Variants in IQCH observed in about 807,000 individuals in gnomAD.
IQCH encodes the protein IQ domain-containing protein H.
Under a neutral mutation model 117.0 loss-of-function variants are expected in IQCH, and 98 were observed. The ratio of observed to expected loss-of-function variants is 0.84; its 90% CI spans 0.71 to 0.99. IQCH has a LOEUF of 0.99. Among genes scored for constraint, IQCH ranks in the 50% least tolerant of loss-of-function variants. The pLI is 0.00. For synonymous variants in IQCH, 412 were observed against 448.2 expected (o/e 0.92, Z 1.02); for missense variants, 1,102 against 1,243.8 (o/e 0.89, Z 1.72).
intron 6 of IQCH, among the ~76,000 whole-genome samples, chr15:67,355,566 G>C (rs954480795): frequency 1.3e-5 from 2 of 151,744 alleles, no homozygotes; most frequent in Non-Finnish European, 2.9e-5. Context: ...CTCCAGCCCG[G>C]GCGACAGAGC....
intron 1 of IQCH, 200 bp downstream of exon 1, chr15:67,255,147 AC>A: frequency 3.3e-6 from 2 of 612,440 alleles, no homozygotes; most frequent in South Asian, 3.9e-5. Context: ...CCTGTAGGTT[AC>A]GCCCCAGAAG....
intron 4 of IQCH, among the ~76,000 whole-genome samples, chr15:67,298,923 C>G (rs961523387): frequency 6.6e-6 from 1 of 151,980 alleles, no homozygotes; most frequent in Non-Finnish European, 1.5e-5. Flanking sequence ...ATCCCATTTC[C>G]GAAAGAAAGG....
intron 1 of IQCH, among the ~76,000 whole-genome samples, chr15:67,258,788 TTGA>T (rs571455568): frequency 1.2e-3 from 177 of 152,212 alleles, no homozygotes; most frequent in African/African-American, 3.9e-3. Context: ...AACAAGGTGT[TTGA>T]TGATCACAGA....
At position 67,494,283 on chromosome 15, in the gene IQCH, G is replaced by A; in HGVS notation, c.2887G>A (p.Val963Ile). 1 of 1,611,476 alleles carries A rather than the reference G, an allele frequency of 6.2e-7. No homozygotes were observed. The highest frequency in any genetic ancestry group is 8.5e-7 in the Non-Finnish European group (1 of 1,179,312). ...MLTIGEDLQG[V>I]LMTFARHLFI... The stretch of plus-strand genomic sequence containing the variant: ...AACAATCGGCGAGGATCTCCAGGGG[G>A]TCCTCATGACCTTTGCTCGCCATCT... Residue 963 changes from valine to isoleucine, a missense_variant, in exon 20 of 21, where the codon GTC becomes ATC. Physicochemically the swap from Val to Ile is conservative, Grantham distance 29 (BLOSUM62 3). Coordinates refer to ENST00000335894, the MANE Select transcript of IQCH (RefSeq NM_001031715.3). The surrounding 1 kb of genome is among the most constrained non-coding windows in gnomAD (Gnocchi z 5.5).
In IQCH at chr15:67,421,425, T is replaced by A. The variant is rs1427546634; in HGVS notation, c.2353T>A (p.Ser785Thr). The change falls in exon 16 of 21, where the codon TCT (serine) becomes ACT (threonine). Residue 785 changes from serine (S) to threonine (T), a missense_variant. Transcript: ENST00000335894. Reference protein sequence around the residue: ...QLHAESPFISSGTTVPQTSVD... With the variant: ...QLHAESPFISTGTTVPQTSVD... ...TCATGCTGAAAGCCCCTTCATCTCC[T>A]CTGGTACCACCGTGCCTCAGACCTC... 1 of 1,614,180 alleles carries A rather than the reference T, an allele frequency of 6.2e-7. No individual in the cohort carries two copies. Among genetic ancestry groups the A allele is most frequent in the East Asian group, 2.2e-5 (1 of 44,876 alleles).
At chr15:67,333,160 T>C (rs973695657) in intron 4 of IQCH, among the ~76,000 whole-genome samples, 2 of 152,180 alleles carry the variant, frequency 1.3e-5, no homozygotes, top group African/African-American at 4.8e-5. Flanking sequence ...AAAGGCCCCA[T>C]CTCTTAAAAG....
chr15:67,445,730 C>T lies in IQCH; in HGVS notation c.2506-19397C>T, dbSNP rs990015395. ...GGGATAACAGGCGTGAGCCACCGCA[C>T]CTGGCCTGTTTTTTAATCTTTGTAG... On this transcript the variant is annotated intron_variant, in intron 16 of 20. Transcript: ENST00000335894. This position sits in a 1 kb window ranked among gnomAD's most constrained non-coding sequence, Gnocchi z 4.3. Among the ~76,000 whole-genome samples the T allele has an allele frequency of 6.6e-6, 1 of 152,212 alleles. No homozygotes were observed. Among genetic ancestry groups the T allele is most frequent in the Non-Finnish European group, 1.5e-5 (1 of 68,046 alleles).
In IQCH at chr15:67,443,239, G is replaced by A. The variant is rs952233444; in HGVS notation, c.2505+21662G>A. ...GATCTCCTGAACTCGTCATCCACCC[G>A]CCTCGGCCTCCCAAAGTGCTGGGAT... On this transcript the variant is annotated intron_variant, in intron 16 of 20. Transcript: ENST00000335894. The surrounding 1 kb of genome is among the most constrained non-coding windows in gnomAD (Gnocchi z 5.0). Among the ~76,000 whole-genome samples, 3 of 152,140 alleles carry A rather than the reference G, an allele frequency of 2.0e-5. No individual in the cohort carries two copies. The highest frequency in any genetic ancestry group is 6.5e-5 in the Admixed American group (1 of 15,274).
intron 3 of IQCH, among the ~76,000 whole-genome samples, chr15:67,271,629 A>G (rs552240963): frequency 2.0e-5 from 3 of 152,162 alleles, no homozygotes; most frequent in East Asian, 3.9e-4. Context: ...CTATTTCTTT[A>G]TGGTTCAATC....
Position 67,369,970 on chromosome 15 carries a change from AGGTCTTT to A in IQCH, c.754-2139_754-2133del, listed in dbSNP as rs1970468594. On this transcript the variant is annotated intron_variant, in intron 8 of 20. Coordinates refer to ENST00000335894, the MANE Select transcript of IQCH (RefSeq NM_001031715.3). The surrounding 1 kb of genome is among the most constrained non-coding windows in gnomAD (Gnocchi z 5.2). ...CCAGGAGTATGTTTCCTTTGAGAGC[AGGTCTTT>A]GCTGGAATATCATCCAAGAAGGTAG... is the stretch of plus-strand genomic sequence containing the variant. 6.6e-6 allele frequency among the ~76,000 whole-genome samples: 1 copy of A among 152,200 alleles called. No individual in the cohort carries two copies. Among genetic ancestry groups the A allele is most frequent in the South Asian group, 2.1e-4 (1 of 4,830 alleles).
chr15:67,455,554 C>G (rs925994906), intron 16 of IQCH, among the ~76,000 whole-genome samples: 9 of 152,180 alleles, frequency 5.9e-5, no homozygotes, highest in African/African-American at 2.2e-4. Context: ...ACTCTGCAGC[C>G]AACTCACTGC....
chr15:67,468,071 T>G (rs1326999562), intron 17 of IQCH, among the ~76,000 whole-genome samples: 1 of 152,268 alleles, frequency 6.6e-6, no homozygotes, highest in East Asian at 1.9e-4. Flanking sequence ...ATCCCAGACG[T>G]GCGTGTTTTA....
At chr15:67,260,863 C>T (rs1472556127) in intron 1 of IQCH, among the ~76,000 whole-genome samples, 1 of 151,844 alleles carries the variant, frequency 6.6e-6, no homozygotes, top group Admixed American at 6.6e-5. Flanking sequence ...TTTGGGAGGC[C>T]GAGGTGGGAA....
In IQCH at chr15:67,453,047, A is replaced by T. The variant is rs2082571392; in HGVS notation, c.2506-12080A>T. 6.6e-6 allele frequency among the ~76,000 whole-genome samples: 1 copy of T among 152,178 alleles called. No homozygotes were observed. Among genetic ancestry groups the T allele is most frequent in the African/African-American group, 2.4e-5 (1 of 41,424 alleles). ...AATAAGGCTTCTGCATTCGTCACGTAGCTCTCGTGCCTTGGTTTTCAGCTC... is the reference window on the plus strand; with the variant it reads ...AATAAGGCTTCTGCATTCGTCACGTTGCTCTCGTGCCTTGGTTTTCAGCTC... On this transcript the variant is annotated intron_variant, in intron 16 of 20. Coordinates refer to ENST00000335894, the MANE Select transcript of IQCH (RefSeq NM_001031715.3). This position sits in a 1 kb window ranked among gnomAD's most constrained non-coding sequence, Gnocchi z 5.8.
intron 13 of IQCH, among the ~76,000 whole-genome samples, chr15:67,399,905 G>A (rs1363665303): frequency 1.3e-5 from 2 of 152,190 alleles, no homozygotes; most frequent in Non-Finnish European, 2.9e-5. Context: ...TTTTAAACAT[G>A]TCTTTGGTCT....
chr15:67,312,819 G>C (rs555976466), intron 4 of IQCH, among the ~76,000 whole-genome samples: 1 of 152,216 alleles, frequency 6.6e-6, no homozygotes, highest in East Asian at 1.9e-4. Flanking sequence ...CATGGTCCAG[G>C]TTAATTATCT....
At chr15:67,355,309 G>T (rs1423703975) in intron 6 of IQCH, among the ~76,000 whole-genome samples, 1 of 152,010 alleles carries the variant, frequency 6.6e-6, no homozygotes, top group African/African-American at 2.4e-5. Flanking sequence ...ATAACTGGCC[G>T]GGCGCGGTGG....
At chr15:67,397,536 C>T (rs1045428604) in intron 13 of IQCH, among the ~76,000 whole-genome samples, 2 of 152,176 alleles carry the variant, frequency 1.3e-5, no homozygotes, top group African/African-American at 2.4e-5. Context: ...AGTGACTACC[C>T]TATCTATTCT....
intron 4 of IQCH, among the ~76,000 whole-genome samples, chr15:67,308,433 C>G (rs1440750973): frequency 1.3e-5 from 2 of 152,088 alleles, no homozygotes; most frequent in Admixed American, 1.3e-4. Context: ...TTCCCAGGAG[C>G]ATTTGGTAAA....
Sources: gnomAD v4.1 joint callset for allele counts (sites outside exome capture counted in the v4.1 genomes callset) on GRCh38, gnomAD v4.1.1 for gene constraint, Gnocchi (gnomAD v3.1) non-coding constraint, MANE v1.5 for transcripts, NCBI Gene and HGNC (gene_info 2026-07-23, HGNC 2026-07-21) for gene names.